The following TRIM15 variants were observed in gnomAD, a reference collection of about 807,000 sequenced individuals.
The protein encoded by TRIM15 is tripartite motif containing 15, also known as E3 ubiquitin-protein ligase TRIM15.
TRIM15 carries 35 observed loss-of-function variants against 35.8 expected under a neutral mutation model. The observed-to-expected ratio is 0.98, with a 90% CI of 0.75 to 1.30. The LOEUF (loss-of-function observed/expected upper bound fraction) is 1.30. Ranked by LOEUF, TRIM15 falls within the 50% of genes most tolerant of loss-of-function variation. The pLI, the probability that TRIM15 is intolerant of heterozygous loss-of-function variation, is 0.00. For missense variants in TRIM15, 590 were observed against 593.5 expected, an observed-to-expected ratio of 0.99 and a Z score of 0.06; for synonymous variants, 252 against 249.8, an observed-to-expected ratio of 1.01 and a Z score of -0.08.
rs1773955687 is a variant in TRIM15, at chr6:30,170,768, C to T, written c.847+152C>T. 5.2e-6 allele frequency: 4 copies of T among 776,256 alleles called. No individual in the cohort carries two copies. In the East Asian group the frequency reaches 7.9e-5, roughly 15 times the overall value. The allele number at this position is 776,256 out of a possible 1,614,324, so 48.1% of individuals were successfully genotyped here. A position where few individuals can be genotyped will look rare whatever the true frequency, so the allele number is the denominator to read the frequency against. The stretch of plus-strand genomic sequence containing the variant: ...AGTGATCTCAATTTATTCAGGGGCA[C>T]TATTCCCAGAGCATCTCCTCCACTC... On this transcript the variant is annotated intron_variant, in intron 5 of 6. Coordinates refer to ENST00000376694, the MANE Select transcript of TRIM15 (RefSeq NM_033229.3).
At chr6:30,169,134 C>T in intron 3 of TRIM15, 107 bp from the exon 4 acceptor site, 2 of 1,291,856 alleles carry the variant, frequency 1.5e-6, no homozygotes, top group Admixed American at 1.7e-5. Flanking sequence ...CAACTCTCTG[C>T]AGAAGGAGAG....
At chr6:30,167,069 C>A (rs1773651639) in intron 1 of TRIM15, 107 bp from the exon 2 acceptor site, 4 of 971,312 alleles carry the variant, frequency 4.1e-6, no homozygotes, top group Non-Finnish European at 6.3e-6. Context: ...CCTTTTCCAC[C>A]TTTGAACCCC....
intron 5 of TRIM15, 69 bp from the exon 6 acceptor site, chr6:30,170,907 C>A (rs1581607969): frequency 1.3e-6 from 2 of 1,554,802 alleles, no homozygotes; most frequent in East Asian, 4.5e-5. Context: ...CTCAAGTCAC[C>A]TTGCCCCTGG....
intron 6 of TRIM15, among the ~76,000 whole-genome samples, chr6:30,171,256 A>G (rs1038074329): frequency 1.1e-4 from 16 of 152,234 alleles, no homozygotes; most frequent in African/African-American, 3.9e-4. Context: ...ATAAATTAAT[A>G]CATGCAAAGA....
chr6:30,170,622 G>T lies in TRIM15; in HGVS notation c.847+6G>T, dbSNP rs554957121. ...GATGATGAGGATGTTCTCAGGTAAA[G>T]GGGAAGGCGCCACAGTTTTCCCCAG... On this transcript the variant is annotated splice_donor_region_variant and intron_variant, in intron 5 of 6. Coordinates refer to ENST00000376694, the MANE Select transcript of TRIM15 (RefSeq NM_033229.3). 2.5e-5 allele frequency: 41 copies of T among 1,608,414 alleles called. No homozygotes were observed. The South Asian group carries it at 4.0e-4, about 16-fold the overall frequency.
chr6:30,172,215 G>C lies in TRIM15; in HGVS notation c.1264G>C (p.Glu422Gln), dbSNP rs760869221. ...PRGVRVALDY[E>Q]AGQVTLHNAQ... Reference sequence around the variant, plus strand: ...CGGCGTGAGAGTCGCCCTGGACTACGAGGCGGGGCAGGTGACCCTCCACAA... The same window carrying C: ...CGGCGTGAGAGTCGCCCTGGACTACCAGGCGGGGCAGGTGACCCTCCACAA... The change falls in exon 7 of 7, where the codon GAG (glutamate) becomes CAG (glutamine). Residue 422 changes from glutamate (E) to glutamine (Q), a missense_variant. By Grantham distance (29) the Glu-to-Gln change is conservative (BLOSUM62 2). Transcript: ENST00000376694. The C allele has an allele frequency of 1.9e-6, 3 of 1,611,900 alleles. No homozygotes were observed. In the Admixed American group the frequency reaches 5.0e-5, roughly 27 times the overall value.
chr6:30,171,735 A>C (rs2127462227), intron 6 of TRIM15, 97 bp from the exon 7 acceptor site: 1 of 1,411,316 alleles, frequency 7.1e-7, no homozygotes, highest in South Asian at 1.6e-5. Flanking sequence ...CAGGCTGCCC[A>C]AGTCCAGTAC....
Position 30,163,729 on chromosome 6 carries a change from C to T in TRIM15, c.45C>T (p.Ala15=), listed in dbSNP as rs773399325. 11 of 1,612,778 alleles carry T rather than the reference C, an allele frequency of 6.8e-6. No homozygotes were observed. The highest frequency in any genetic ancestry group is 6.7e-5 in the African/African-American group (5 of 74,954). Reference sequence around the variant, plus strand: ...TGAAGGTGGTCCATGAGCTGCCTGCCTGTACCCTCTGTGCGGGGCCGCTGG... The same window carrying T: ...TGAAGGTGGTCCATGAGCTGCCTGCTTGTACCCTCTGTGCGGGGCCGCTGG... The part of the protein sequence containing the change: ...PSLKVVHELP[A]CTLCAGPLED... Residue 15 remains alanine (A), a synonymous_variant, in exon 1 of 7, where the codon GCC becomes GCT. Transcript: ENST00000376694.
In TRIM15 at chr6:30,172,395, G is replaced by A. The variant is rs369877929; in HGVS notation, c.*46G>A. ...GCGAAGCGGAGACGGCGGCTCTCCG[G>A]GATCCAGCTCCGCCCCTGGCCAGTG... On this transcript the variant is annotated 3_prime_UTR_variant, in exon 7 of 7. Transcript: ENST00000376694. 157 of 1,556,910 alleles carry A rather than the reference G, an allele frequency of 1.0e-4. No homozygotes were observed. In the African/African-American group the frequency reaches 1.6e-3, roughly 16 times the overall value.
At chr6:30,168,585 G>T (rs1435110516) in intron 3 of TRIM15, 55 bp downstream of exon 3, 2 of 1,494,834 alleles carry the variant, frequency 1.3e-6, no homozygotes, top group Non-Finnish European at 1.8e-6. Context: ...CGGGGAAGGG[G>T]GTGGGCACCA....
intron 2 of TRIM15, among the ~76,000 whole-genome samples, chr6:30,167,667 A>G (rs1316095345): frequency 2.6e-5 from 4 of 152,186 alleles, no homozygotes; most frequent in African/African-American, 9.7e-5. Context: ...AACATATGTT[A>G]GTGTCGGGAT....
rs879358810 is a variant in TRIM15 at position 30,163,571 on chromosome 6, T to TC, written c.-114_-113insC. The TC allele has an allele frequency of 0.14, 182,200 of 1,309,142 alleles. 17,375 individuals carry two copies. Among genetic ancestry groups the TC allele is most frequent in the East Asian group, 0.32 (13,255 of 41,078 alleles). 81.1% of individuals were successfully genotyped at this position (1,309,142 alleles called of 1,614,324 possible). On this transcript the variant is annotated 5_prime_UTR_variant, in exon 1 of 7. Coordinates refer to ENST00000376694, the MANE Select transcript of TRIM15 (RefSeq NM_033229.3). The stretch of plus-strand genomic sequence containing the variant: ...CTCTCTCTTTCTCTCTCTCTGTCTC[T>TC]TAGCCTTGCAGCCGTTTCCCTCTGC...
chr6:30,170,589 C>A lies in TRIM15; in HGVS notation c.820C>A (p.Leu274Ile), dbSNP rs1773941055. Reference protein sequence around the residue: ...IRDFHRKILTLPEMMRMFSEN... With the variant: ...IRDFHRKILTIPEMMRMFSEN... The stretch of plus-strand genomic sequence containing the variant: ...TGATTTCCACAGGAAAATACTCACC[C>A]TCCCAGAGATGATGAGGATGTTCTC... Residue 274 changes from leucine (L) to isoleucine (I), a missense_variant, in exon 5 of 7, where the codon CTC becomes ATC. Coordinates refer to ENST00000376694, the MANE Select transcript of TRIM15 (RefSeq NM_033229.3). The A allele has an allele frequency of 4.3e-6, 7 of 1,613,980 alleles. No homozygotes were observed. In the East Asian group the frequency reaches 1.6e-4, roughly 36 times the overall value.
At chr6:30,165,719 A>G (rs999595947) in intron 1 of TRIM15, among the ~76,000 whole-genome samples, 1 of 152,224 alleles carries the variant, frequency 6.6e-6, no homozygotes, top group African/African-American at 2.4e-5. Flanking sequence ...ACTCCCACCA[A>G]CATTGTAAAA....
At position 30,172,455 on chromosome 6, in the gene TRIM15, G is replaced by A; in HGVS notation, c.*106G>A. ...GGGGCTCCCTGTGCCCGCGTGAGGC[G>A]AGAGAACAGGGGACTTGAGTCTCGA... On this transcript the variant is annotated 3_prime_UTR_variant, in exon 7 of 7. Coordinates refer to ENST00000376694, the MANE Select transcript of TRIM15 (RefSeq NM_033229.3). 4.1e-6 allele frequency: 6 copies of A among 1,467,640 alleles called. No homozygotes were observed. The highest frequency in any genetic ancestry group is 5.5e-6 in the Non-Finnish European group (6 of 1,093,802). 90.9% of individuals were successfully genotyped at this position (1,467,640 alleles called of 1,614,324 possible).
chr6:30,167,295 C>T (rs778992487), intron 2 of TRIM15, 24 bp downstream of exon 2: 2 of 1,596,226 alleles, frequency 1.3e-6, no homozygotes, highest in Non-Finnish European at 1.7e-6. Context: ...CACTGGCTAC[C>T]TTTTCCTTTG....
chr6:30,164,146 T>G, intron 1 of TRIM15, 81 bp downstream of exon 1: 4 of 1,525,714 alleles, frequency 2.6e-6, no homozygotes, highest in Non-Finnish European at 3.5e-6. Flanking sequence ...GGCGGGGATC[T>G]GGATGAAAGG....
Position 30,172,074 on chromosome 6 carries a change from A to G in TRIM15, c.1123A>G (p.Lys375Glu), listed in dbSNP as rs540671208. Residue 375 changes from lysine to glutamate, a missense_variant, in exon 7 of 7, where the codon AAG becomes GAG. Lys to Glu is a moderately conservative substitution (Grantham distance 56). Transcript: ENST00000376694. ...GGTGGCCGGGGAGGGGGTGAGGAGG[A>G]AGGGAGAGATGGGACTCAGCGCCGA... ...VGVAGEGVRR[K>E]GEMGLSAEDG... 2.5e-6 allele frequency: 4 copies of G among 1,573,664 alleles called. No individual in the cohort carries two copies. The Admixed American group carries it at 7.4e-5, about 29-fold the overall frequency.
At chr6:30,165,050 T>C (rs1008403) in intron 1 of TRIM15, among the ~76,000 whole-genome samples, 26,517 of 152,054 alleles carry the variant, frequency 0.17, 2,750 homozygotes, top group South Asian at 0.38. Context: ...CTCTTCTCCC[T>C]TCCTCCCACC....
Sources: gnomAD v4.1 joint callset for allele counts (sites outside exome capture counted in the v4.1 genomes callset) on GRCh38, gnomAD v4.1.1 for gene constraint, MANE v1.5 for transcripts, NCBI Gene and HGNC (gene_info 2026-07-23, HGNC 2026-07-21) for gene names.